The following CNKSR2 variants were observed in gnomAD, a reference collection of about 807,000 sequenced individuals.
CNKSR2 encodes the protein CNK homolog protein 2.
Under a neutral mutation model 84.4 loss-of-function variants are expected in CNKSR2, and 14 were observed. The ratio of observed to expected loss-of-function variants is 0.17; its 90% confidence interval spans 0.11 to 0.26. The LOEUF is 0.26. Ranked by LOEUF, CNKSR2 falls within the 10% of genes least tolerant of loss-of-function variation. CNKSR2 has a pLI of 1.00. For synonymous variants in CNKSR2, 275 were observed against 277.9 expected, an observed-to-expected ratio of 0.99 and a Z score of 0.10; for missense variants, 485 against 771.2, an observed-to-expected ratio of 0.63 and a Z score of 4.40.
At chrX:21,523,332 A>G (rs2091802989) in intron 9 of CNKSR2, among the ~76,000 whole-genome samples, 1 of 111,447 alleles carries the variant, frequency 9.0e-6, no homozygotes, top group African/African-American at 3.2e-5. Context: ...TTTAAATAAC[A>G]AGATGTAATC....
intron 13 of CNKSR2, among the ~76,000 whole-genome samples, chrX:21,588,196 G>A (rs996727753): frequency 5.4e-5 from 6 of 112,075 alleles, no homozygotes; most frequent in African/African-American, 1.9e-4. Flanking sequence ...TGAATAATCA[G>A]TGCCCCATGT....
chrX:21,395,323 T>A (rs974106160), intron 1 of CNKSR2, among the ~76,000 whole-genome samples: 2 of 111,768 alleles, frequency 1.8e-5, no homozygotes, highest in Non-Finnish European at 3.8e-5. Context: ...TGTAACAATG[T>A]TGACCTTAAA....
intron 20 of CNKSR2, among the ~76,000 whole-genome samples, chrX:21,631,780 G>A (rs1298137721): frequency 8.9e-6 from 1 of 111,939 alleles, no homozygotes; most frequent in Non-Finnish European, 1.9e-5. Flanking sequence ...CACATTTCCT[G>A]CATCTTCTTT....
intron 8 of CNKSR2, among the ~76,000 whole-genome samples, chrX:21,508,685 A>G (rs941923509): frequency 5.4e-5 from 6 of 111,971 alleles, no homozygotes; most frequent in South Asian, 3.7e-4. Context: ...AGTGAGCTGT[A>G]TGTTCAAGAT....
chrX:21,405,918 G>A (rs2090256520), intron 1 of CNKSR2, among the ~76,000 whole-genome samples: 1 of 111,552 alleles, frequency 9.0e-6, no homozygotes, highest in African/African-American at 3.3e-5. Context: ...TGATTCCTGA[G>A]GCTTAAGGGT....
At chrX:21,436,304 AACCTCT>A (rs1396403653) in intron 3 of CNKSR2, among the ~76,000 whole-genome samples, 1 of 111,809 alleles carries the variant, frequency 8.9e-6, no homozygotes, top group Non-Finnish European at 1.9e-5. Flanking sequence ...TTTCCTTATT[AACCTCT>A]TAGCTTTCCT....
chrX:21,477,163 G>A (rs767944888), intron 5 of CNKSR2, among the ~76,000 whole-genome samples: 21 of 111,757 alleles, frequency 1.9e-4, no homozygotes, highest in African/African-American at 6.2e-4. Flanking sequence ...CAGGCCAGGC[G>A]TAATCATTAA....
In CNKSR2 at chrX:21,609,632, G is replaced by A. The variant is rs1047762067; in HGVS notation, c.2692+15G>A. 79 of 1,167,982 alleles carry A rather than the reference G, an allele frequency of 6.8e-5. No individual in the cohort carries two copies. The highest frequency in any genetic ancestry group is 9.0e-5 in the Non-Finnish European group (79 of 877,953). On this transcript the variant is annotated intron_variant, in intron 20 of 21. Transcript: ENST00000379510. ...AGGAGAAAAAAGTAAGTATGTTTCT[G>A]GAGATTCTTAGCCTGTGTACACAAA... is the stretch of plus-strand genomic sequence containing the variant.
chrX:21,510,358 A>G, intron 8 of CNKSR2, among the ~76,000 whole-genome samples: 1 of 100,512 alleles, frequency 9.9e-6, no homozygotes, highest in South Asian at 3.9e-4. Flanking sequence ...GAAAAAAGGT[A>G]AAAAAAAAGG....
chrX:21,643,779 C>T (rs967793643), intron 20 of CNKSR2: 6 of 111,317 alleles, frequency 5.4e-5, no homozygotes, highest in Non-Finnish European at 9.5e-5. Context: ...TAAAAGCCAG[C>T]TTTTAAAATC....
chrX:21,581,197 CA>C (rs1335421827), intron 13 of CNKSR2, among the ~76,000 whole-genome samples: 1 of 111,959 alleles, frequency 8.9e-6, no homozygotes, highest in Non-Finnish European at 1.9e-5. Flanking sequence ...CATTGGTGAT[CA>C]TTAACTGGTT....
intron 7 of CNKSR2, among the ~76,000 whole-genome samples, chrX:21,498,948 A>G (rs1240561449): frequency 8.9e-6 from 1 of 111,850 alleles, no homozygotes; most frequent in Non-Finnish European, 1.9e-5. Context: ...CTTTTTAAAA[A>G]TCAACATTCT....
chrX:21,524,714 T>C lies in CNKSR2; in HGVS notation c.958-2153T>C, dbSNP rs2091817774. On this transcript the variant is annotated intron_variant, in intron 9 of 21. Coordinates refer to ENST00000379510, the MANE Select transcript of CNKSR2 (RefSeq NM_014927.5). ...AAGGGTAGGTACTAACCAGGAAAAATTATCTTTAGTTCTGTAGATGGTAAA... is the reference window on the plus strand; with the variant it reads ...AAGGGTAGGTACTAACCAGGAAAAACTATCTTTAGTTCTGTAGATGGTAAA... 4.5e-5 allele frequency among the ~76,000 whole-genome samples: 5 copies of C among 110,511 alleles called. No individual in the cohort carries two copies. In the South Asian group the frequency reaches 1.9e-3, roughly 42 times the overall value.
chrX:21,557,518 C>A (rs944652314), intron 11 of CNKSR2, among the ~76,000 whole-genome samples: 1 of 110,127 alleles, frequency 9.1e-6, no homozygotes, highest in Admixed American at 9.7e-5. Context: ...ATGGAGACAC[C>A]AATTAAAAAA....
chrX:21,419,043 T>G (rs1375028572), intron 1 of CNKSR2, among the ~76,000 whole-genome samples: 1 of 110,912 alleles, frequency 9.0e-6, no homozygotes, highest in Admixed American at 9.7e-5. Context: ...TCTTATATAT[T>G]CCCTTTTGAG....
chrX:21,380,591 C>T, intron 1 of CNKSR2, among the ~76,000 whole-genome samples: 1 of 109,300 alleles, frequency 9.1e-6, no homozygotes, highest in East Asian at 2.9e-4. Flanking sequence ...GGATTACAGG[C>T]ACCCACCACC....
At chrX:21,436,307 C>G (rs2090704218) in intron 3 of CNKSR2, among the ~76,000 whole-genome samples, 1 of 111,575 alleles carries the variant, frequency 9.0e-6, no homozygotes. Context: ...CCTTATTAAC[C>G]TCTTAGCTTT....
intron 20 of CNKSR2, among the ~76,000 whole-genome samples, chrX:21,646,118 GTA>G: frequency 9.0e-6 from 1 of 111,380 alleles, no homozygotes; most frequent in African/African-American, 3.3e-5. Flanking sequence ...CTTGTGTAGT[GTA>G]TGTGTATGAT....
At chrX:21,474,444 GAATTTGCCTTGGAATTGTCC>G (rs1215582801) in intron 5 of CNKSR2, among the ~76,000 whole-genome samples, 2 of 111,951 alleles carry the variant, frequency 1.8e-5, no homozygotes, top group Non-Finnish European at 3.8e-5. Flanking sequence ...AAGCCCTGCA[GAATTTGCCTTGGAATTGTCC>G]AACCTGCCTG....
Sources: allele counts gnomAD v4.1 joint callset (sites outside exome capture counted in the v4.1 genomes callset), GRCh38; gene constraint gnomAD v4.1.1; transcripts MANE v1.5; gene names NCBI Gene and HGNC (gene_info 2026-07-23, HGNC 2026-07-21).